TNS3: variants seen among roughly 807,000 people sequenced by gnomAD.
TNS3 encodes the protein tensin 3.
Under a neutral mutation model 140.9 loss-of-function variants are expected in TNS3, and 45 were observed. The ratio of observed to expected loss-of-function variants is 0.32; its 90% CI spans 0.25 to 0.41. TNS3 has a LOEUF of 0.41. Among genes scored for constraint, TNS3 ranks in the 10% least tolerant of loss-of-function variants. The probability of loss-of-function intolerance (pLI) is 1.00; values close to 1 mark genes in which losing one functional copy is unlikely to be tolerated. For missense variants in TNS3, 1,716 were observed against 1,906.7 expected (o/e 0.90, Z 1.86); for synonymous variants, 815 against 788.4 (o/e 1.03, Z -0.56).
chr7:47,567,989 A>G (rs1800467825), intron 1 of TNS3, among the ~76,000 whole-genome samples: 1 of 152,098 alleles, frequency 6.6e-6, no homozygotes, highest in Non-Finnish European at 1.5e-5. Context: ...CTCCAGCCCA[A>G]TGTGACATGC....
At chr7:47,517,694 C>A (rs946612443) in intron 2 of TNS3, among the ~76,000 whole-genome samples, 3 of 152,168 alleles carry the variant, frequency 2.0e-5, no homozygotes, top group Non-Finnish European at 2.9e-5. Context: ...TGAATGTACA[C>A]TGCAGTGCAA....
intron 2 of TNS3, among the ~76,000 whole-genome samples, chr7:47,520,192 C>T (rs576857399): frequency 3.0e-4 from 46 of 152,234 alleles, no homozygotes; most frequent in Admixed American, 2.6e-4. Context: ...ACGTGGGCTC[C>T]GTGAAGCACA....
intron 2 of TNS3, among the ~76,000 whole-genome samples, chr7:47,513,598 T>C (rs906387172): frequency 9.9e-5 from 15 of 152,234 alleles, no homozygotes; most frequent in African/African-American, 3.4e-4. Context: ...AATCACCAGA[T>C]GAATGAAAAA....
At chr7:47,542,812 C>T (rs1157347236) in intron 1 of TNS3, among the ~76,000 whole-genome samples, 1 of 151,642 alleles carries the variant, frequency 6.6e-6, no homozygotes, top group Admixed American at 6.6e-5. Flanking sequence ...CGCCTGTAAT[C>T]CCAGCTACTT....
intron 3 of TNS3, among the ~76,000 whole-genome samples, chr7:47,494,201 C>T (rs981331892): frequency 6.6e-6 from 1 of 152,138 alleles, no homozygotes; most frequent in Non-Finnish European, 1.5e-5. Flanking sequence ...ACAAGCCGTG[C>T]CTCTGACCCA....
Position 47,368,780 on chromosome 7 carries a change from G to A in TNS3, c.1866C>T (p.Leu622=), listed in dbSNP as rs566167095. Residue 622 remains leucine (L), a synonymous_variant, in exon 17 of 31, where the codon CTC becomes CTT. Transcript: ENST00000311160. The part of the protein sequence containing the change: ...VSRCPADNPG[L]VQAQPRVPLT... Reference sequence around the variant, plus strand: ...GTGGCACTCTGGGCTGGGCCTGGACGAGGCCAGGATTGTCTGCAGGGCAGC... The same window carrying A: ...GTGGCACTCTGGGCTGGGCCTGGACAAGGCCAGGATTGTCTGCAGGGCAGC... 13 of 1,599,774 alleles carry A rather than the reference G, an allele frequency of 8.1e-6. 1 individual carries two copies. Among genetic ancestry groups the A allele is most frequent in the African/African-American group, 5.3e-5 (4 of 74,926 alleles).
chr7:47,452,776 C>G (rs1043733918), intron 4 of TNS3, among the ~76,000 whole-genome samples: 2 of 152,206 alleles, frequency 1.3e-5, no homozygotes, highest in African/African-American at 4.8e-5. Context: ...CACCGAACAT[C>G]TGCAGCATTG....
intron 1 of TNS3, among the ~76,000 whole-genome samples, chr7:47,577,475 A>C (rs911815381): frequency 3.9e-5 from 6 of 152,140 alleles, no homozygotes; most frequent in Non-Finnish European, 7.4e-5. Context: ...GCAGCTCCTG[A>C]GCCTTGGCCT....
At chr7:47,400,935 A>G (rs1371805276) in intron 13 of TNS3, 21 bp from the exon 14 acceptor site, 3 of 1,613,536 alleles carry the variant, frequency 1.9e-6, no homozygotes, top group East Asian at 4.5e-5. Context: ...GAGACAAAAC[A>G]AAACAAAGTA....
At chr7:47,424,240 G>A (rs897808930) in intron 9 of TNS3, 56 bp from the exon 10 acceptor site, 4 of 1,576,378 alleles carry the variant, frequency 2.5e-6, no homozygotes, top group Non-Finnish European at 3.5e-6. Context: ...CACCACGTGG[G>A]TACTTGACGG....
intron 1 of TNS3, among the ~76,000 whole-genome samples, chr7:47,544,794 T>C (rs896669692): frequency 6.6e-6 from 1 of 152,060 alleles, no homozygotes; most frequent in Non-Finnish European, 1.5e-5. Flanking sequence ...TCCTGTCAAA[T>C]GAGCTGCCCC....
chr7:47,378,188 C>A (rs1283670178), intron 16 of TNS3, among the ~76,000 whole-genome samples: 2 of 152,202 alleles, frequency 1.3e-5, no homozygotes, highest in Non-Finnish European at 2.9e-5. Context: ...TGCTTTCCCC[C>A]TCTCTGGTCA....
intron 4 of TNS3, chr7:47,470,700 C>T (rs1796914049): frequency 4.1e-6 from 4 of 973,876 alleles, no homozygotes; most frequent in South Asian, 9.5e-5. Context: ...GAGCCACACA[C>T]CTGCAGCCCA....
chr7:47,403,659 G>T (rs762237163), intron 13 of TNS3, among the ~76,000 whole-genome samples: 8 of 152,138 alleles, frequency 5.3e-5, no homozygotes, highest in Admixed American at 1.3e-4. Flanking sequence ...ATCATGAACT[G>T]ACTCCAGCTT....
intron 3 of TNS3, among the ~76,000 whole-genome samples, chr7:47,487,099 G>A (rs1452042819): frequency 1.3e-5 from 2 of 152,088 alleles, no homozygotes; most frequent in South Asian, 4.1e-4. Context: ...AGGAGCTCGA[G>A]ACCAACCTGG....
chr7:47,376,377 A>T (rs969277994), intron 16 of TNS3, among the ~76,000 whole-genome samples: 2 of 152,210 alleles, frequency 1.3e-5, no homozygotes, highest in Non-Finnish European at 2.9e-5. Context: ...CATCTTCATC[A>T]CCTGACAAAC....
rs150193084 is a variant in TNS3, at chr7:47,415,083, G to A, written c.586+11C>T. On this transcript the variant is annotated intron_variant, in intron 11 of 30. Transcript: ENST00000311160. ...GCCAATCGCAGGTGCCACGTCATAG[G>A]GGACACTCACCTCCACCTGTGTCGA... 1.1e-3 allele frequency: 1,792 copies of A among 1,602,864 alleles called. 13 individuals carry two copies. In the African/African-American group the frequency reaches 0.021, roughly 19 times the overall value.
chr7:47,551,525 C>A (rs1800062221), intron 1 of TNS3, among the ~76,000 whole-genome samples: 1 of 152,194 alleles, frequency 6.6e-6, no homozygotes, highest in Admixed American at 6.5e-5. Flanking sequence ...TTGGCTGGGT[C>A]AGGGTTCAAA....
chr7:47,356,435 C>T (rs1468589817), intron 17 of TNS3, among the ~76,000 whole-genome samples: 1 of 152,194 alleles, frequency 6.6e-6, no homozygotes, highest in East Asian at 1.9e-4. Context: ...GACATCCAGG[C>T]CCCACCAGGG....
Sources: gnomAD v4.1 joint callset for allele counts (sites outside exome capture counted in the v4.1 genomes callset) on GRCh38, gnomAD v4.1.1 for gene constraint, MANE v1.5 for transcripts, NCBI Gene and HGNC (gene_info 2026-07-23, HGNC 2026-07-21) for gene names.